Variants in RSRC1 observed in about 807,000 individuals in gnomAD.
RSRC1 encodes the protein serine/Arginine-related protein 53.
In RSRC1, 39 loss-of-function variants were observed where a neutral mutation model predicts 49.1. The ratio of observed to expected loss-of-function variants is 0.79; its 90% CI spans 0.61 to 1.04. RSRC1 has a LOEUF of 1.04. Among genes scored for constraint, RSRC1 ranks in the 50% least tolerant of loss-of-function variants. RSRC1 has a pLI of 0.00. For missense variants in RSRC1, 388 were observed against 402.4 expected, an observed-to-expected ratio of 0.96 and a Z score of 0.31; for synonymous variants, 143 against 130.8, an observed-to-expected ratio of 1.09 and a Z score of -0.63.
chr3:158,452,718 T>C (rs954192836), intron 6 of RSRC1, among the ~76,000 whole-genome samples: 33 of 152,342 alleles, frequency 2.2e-4, no homozygotes, highest in African/African-American at 7.0e-4. Flanking sequence ...GAACATTTCT[T>C]GCTTGGCCCC....
chr3:158,454,561 CA>C (rs1737213914), intron 6 of RSRC1, among the ~76,000 whole-genome samples: 1 of 152,022 alleles, frequency 6.6e-6, no homozygotes, highest in Non-Finnish European at 1.5e-5. Context: ...TTTTGATGGT[CA>C]AAATTTAGTT....
intron 4 of RSRC1, among the ~76,000 whole-genome samples, chr3:158,220,426 A>C (rs1338508946): frequency 2.0e-4 from 31 of 151,498 alleles, no homozygotes. Context: ...TGTTCTTCTG[A>C]CGCCGTACCG....
rs1738349337 is a variant in RSRC1 at position 158,476,001 on chromosome 3, C to T, written c.652+14998C>T. 2.6e-5 allele frequency among the ~76,000 whole-genome samples: 4 copies of T among 152,118 alleles called. No individual in the cohort carries two copies. The South Asian group carries it at 8.3e-4, about 32-fold the overall frequency. Reference sequence around the variant, plus strand: ...AAAGTTCTTGATTGAAAGTAAAGGGCTACTCCAGTGAACATATGAATGATA... The same window carrying T: ...AAAGTTCTTGATTGAAAGTAAAGGGTTACTCCAGTGAACATATGAATGATA... On this transcript the variant is annotated intron_variant, in intron 7 of 9. Coordinates refer to ENST00000611884, the MANE Select transcript of RSRC1 (RefSeq NM_001271838.2).
intron 6 of RSRC1, among the ~76,000 whole-genome samples, chr3:158,445,397 C>T (rs1193362385): frequency 7.2e-5 from 11 of 152,078 alleles, no homozygotes; most frequent in East Asian, 3.9e-4. Context: ...AGCAAACTAT[C>T]GCAAGGACAA....
intron 6 of RSRC1, among the ~76,000 whole-genome samples, chr3:158,439,502 A>G (rs1204548703): frequency 2.0e-5 from 3 of 152,208 alleles, no homozygotes; most frequent in South Asian, 2.1e-4. Context: ...GGAGGAGTTC[A>G]TGTCCTTTGT....
intron 5 of RSRC1, among the ~76,000 whole-genome samples, chr3:158,332,097 A>G (rs534979833): frequency 1.3e-4 from 20 of 152,246 alleles, no homozygotes; most frequent in African/African-American, 4.8e-4. Context: ...TTGTTTTAGA[A>G]TGAAAGCCCA....
intron 5 of RSRC1, among the ~76,000 whole-genome samples, chr3:158,334,200 C>T (rs913956729): frequency 2.6e-5 from 4 of 152,040 alleles, no homozygotes; most frequent in African/African-American, 9.7e-5. Flanking sequence ...ATTATGCCAC[C>T]ACATACCTTT....
chr3:158,150,943 G>T (rs918033111), intron 3 of RSRC1, among the ~76,000 whole-genome samples: 11 of 152,128 alleles, frequency 7.2e-5, no homozygotes, highest in South Asian at 2.1e-4. Flanking sequence ...ATACCAGTCA[G>T]ATTTGCCATT....
chr3:158,523,075 C>A (rs1012290401), intron 7 of RSRC1, among the ~76,000 whole-genome samples: 8 of 152,016 alleles, frequency 5.3e-5, no homozygotes, highest in African/African-American at 1.9e-4. Flanking sequence ...TATTTGTGAG[C>A]AATAACATTT....
chr3:158,335,285 A>ACTTTT (rs1729820841), intron 5 of RSRC1, among the ~76,000 whole-genome samples: 1 of 152,186 alleles, frequency 6.6e-6, no homozygotes, highest in Non-Finnish European at 1.5e-5. Flanking sequence ...CATTTTTATA[A>ACTTTT]CTAAGAATGA....
intron 3 of RSRC1, among the ~76,000 whole-genome samples, chr3:158,155,269 C>A (rs1047217963): frequency 2.0e-5 from 3 of 152,122 alleles, no homozygotes; most frequent in Admixed American, 1.3e-4. Flanking sequence ...TATAGCCTTA[C>A]AAAATGTATT....
intron 6 of RSRC1, among the ~76,000 whole-genome samples, chr3:158,411,136 G>T (rs966512365): frequency 6.6e-6 from 1 of 152,006 alleles, no homozygotes; most frequent in Non-Finnish European, 1.5e-5. Context: ...TGTTCATTTT[G>T]TGCTATATAA....
At chr3:158,476,136 G>A (rs938355284) in intron 7 of RSRC1, among the ~76,000 whole-genome samples, 3 of 152,276 alleles carry the variant, frequency 2.0e-5, no homozygotes, top group African/African-American at 7.2e-5. Flanking sequence ...GCCAAATCCA[G>A]AGGAAGGTCC....
chr3:158,497,948 GTTTA>G (rs1247144735), intron 7 of RSRC1, among the ~76,000 whole-genome samples: 8 of 152,238 alleles, frequency 5.3e-5, no homozygotes, highest in Middle Eastern at 3.4e-3. Flanking sequence ...ATATCTCACA[GTTTA>G]TTTATCCACT....
At chr3:158,507,070 G>A (rs1739892465) in intron 7 of RSRC1, among the ~76,000 whole-genome samples, 1 of 151,972 alleles carries the variant, frequency 6.6e-6, no homozygotes, top group Non-Finnish European at 1.5e-5. Flanking sequence ...AAATAAAAGA[G>A]TGAAATCCTG....
chr3:158,345,284 A>C (rs1275514443), intron 5 of RSRC1, among the ~76,000 whole-genome samples: 2 of 152,064 alleles, frequency 1.3e-5, no homozygotes, highest in African/African-American at 4.8e-5. Flanking sequence ...AATGTGGTAG[A>C]TTAATAATTA....
chr3:158,480,683 C>A (rs1304511046), intron 7 of RSRC1, among the ~76,000 whole-genome samples: 2 of 151,972 alleles, frequency 1.3e-5, no homozygotes, highest in Non-Finnish European at 2.9e-5. Flanking sequence ...AAGTGACTAT[C>A]ACACATGAAG....
intron 7 of RSRC1, among the ~76,000 whole-genome samples, chr3:158,507,031 A>G (rs981619464): frequency 3.9e-5 from 6 of 152,114 alleles, no homozygotes; most frequent in Admixed American, 2.0e-4. Flanking sequence ...TGTGTTGTAT[A>G]TATACACAAT....
intron 4 of RSRC1, among the ~76,000 whole-genome samples, chr3:158,259,625 G>C (rs974462543): frequency 6.6e-6 from 1 of 152,186 alleles, no homozygotes; most frequent in Admixed American, 6.5e-5. Context: ...CAATCCACAG[G>C]TGGTGAGTCT....
Sources: gnomAD v4.1 joint callset for allele counts (sites outside exome capture counted in the v4.1 genomes callset) on GRCh38, gnomAD v4.1.1 for gene constraint, MANE v1.5 for transcripts, NCBI Gene and HGNC (gene_info 2026-07-23, HGNC 2026-07-21) for gene names.